KIF13A: variants seen among roughly 807,000 people sequenced by gnomAD.
KIF13A encodes kinesin-like protein KIF13A.
KIF13A carries 79 observed loss-of-function variants against 212.2 expected under a neutral mutation model. The observed-to-expected ratio is 0.37, with a 90% CI of 0.31 to 0.45. The LOEUF is 0.45. KIF13A is among the 20% of genes least tolerant of loss of function. KIF13A has a pLI of 1.00. For missense variants in KIF13A, 1,901 were observed against 2,209.0 expected (o/e 0.86, Z 2.79); for synonymous variants, 789 against 808.6 (o/e 0.98, Z 0.41).
Position 17,763,859 on chromosome 6 carries a change from T to C in KIF13A, c.*251A>G. 1 of 1,329,076 alleles carries C rather than the reference T, an allele frequency of 7.5e-7. No homozygotes were observed. Among genetic ancestry groups the C allele is most frequent in the Non-Finnish European group, 9.6e-7 (1 of 1,040,358 alleles). The allele number at this position is 1,329,076 out of a possible 1,614,324, so 82.3% of individuals were successfully genotyped here. ...ACATCCCAGGGAATGAATATGAGAT[T>C]GATCCTTATCCATCTGAACACTTCA... On this transcript the variant is annotated 3_prime_UTR_variant, in exon 39 of 39. Coordinates refer to ENST00000259711, the MANE Select transcript of KIF13A (RefSeq NM_022113.6).
chr6:17,956,003 A>T (rs1355831790), intron 2 of KIF13A, among the ~76,000 whole-genome samples: 2 of 152,218 alleles, frequency 1.3e-5, no homozygotes, highest in Non-Finnish European at 2.9e-5. Context: ...CACAATTTTT[A>T]AAAAGTCTAT....
chr6:17,828,300 T>A lies in KIF13A; in HGVS notation c.1472A>T (p.His491Leu). 6.2e-7 allele frequency: 1 copy of A among 1,610,600 alleles called. No homozygotes were observed. Among genetic ancestry groups the A allele is most frequent in the Middle Eastern group, 1.7e-4 (1 of 6,058 alleles). ...QLFGIGIQPQ[H>L]CEIDIASDGD... is the part of the protein sequence containing the mutation. ...ATCAGATGCAATGTCAATCTCACAG[T>A]GCTGAGGCTGAATTCCTATGCCAAA... The change falls in exon 14 of 39, where the codon CAC becomes CTC. Residue 491 changes from histidine to leucine, a missense_variant. Around this residue, in one of 5 missense-constraint regions of KIF13A, gnomAD observed 506 missense variants for 637.4 expected, o/e 0.79. Coordinates refer to ENST00000259711, the MANE Select transcript of KIF13A (RefSeq NM_022113.6). This position sits in a 1 kb window ranked among gnomAD's most constrained non-coding sequence, Gnocchi z 4.3.
intron 4 of KIF13A, among the ~76,000 whole-genome samples, chr6:17,870,503 G>A (rs1769901822): frequency 6.6e-6 from 1 of 151,936 alleles, no homozygotes; most frequent in Non-Finnish European, 1.5e-5. Context: ...ATATATTGCA[G>A]AAGGCTAGAG....
At position 17,900,617 on chromosome 6, in the gene KIF13A, C is replaced by T. The variant is rs919704570; in HGVS notation, c.147-2437G>A. On this transcript the variant is annotated intron_variant, in intron 2 of 38. Coordinates refer to ENST00000259711, the MANE Select transcript of KIF13A (RefSeq NM_022113.6). This position sits in a 1 kb window ranked among gnomAD's most constrained non-coding sequence, Gnocchi z 4.6. ...CATTTTAGAACAAGGACCCTTGCTACAGAAGGAAAAGTAAACCCTGTAGTG... is the reference window on the plus strand; with the variant it reads ...CATTTTAGAACAAGGACCCTTGCTATAGAAGGAAAAGTAAACCCTGTAGTG... Among the ~76,000 whole-genome samples, 1 of 152,212 alleles carries T rather than the reference C, an allele frequency of 6.6e-6. No homozygotes were observed. The highest frequency in any genetic ancestry group is 2.4e-5 in the African/African-American group (1 of 41,442).
chr6:17,916,142 C>T (rs942123553), intron 2 of KIF13A, among the ~76,000 whole-genome samples: 3 of 151,994 alleles, frequency 2.0e-5, no homozygotes, highest in African/African-American at 7.3e-5. Context: ...TAGTGGCAAG[C>T]GTTCATGGCA....
chr6:17,973,082 C>T (rs1301935046), intron 2 of KIF13A, among the ~76,000 whole-genome samples: 2 of 152,186 alleles, frequency 1.3e-5, no homozygotes, highest in East Asian at 1.9e-4. Flanking sequence ...TGGAGATGAA[C>T]TGGAGTTTGG....
At chr6:17,806,993 A>C (rs1763021242) in intron 18 of KIF13A, among the ~76,000 whole-genome samples, 1 of 152,202 alleles carries the variant, frequency 6.6e-6, no homozygotes, top group Non-Finnish European at 1.5e-5. Flanking sequence ...TTCCCAAATA[A>C]TACTTTTATA....
At position 17,794,548 on chromosome 6, in the gene KIF13A, A is replaced by G; in HGVS notation, c.3075+24T>C. On this transcript the variant is annotated intron_variant, in intron 24 of 38. Transcript: ENST00000259711. The surrounding 1 kb of genome is among the most constrained non-coding windows in gnomAD (Gnocchi z 4.1). ...GTGGAACAGAGAGAAAACATTAAAA[A>G]AAAACCCAAAACAAACTCAGTACCT... 6.3e-7 allele frequency: 1 copy of G among 1,584,792 alleles called. No individual in the cohort carries two copies. The highest frequency in any genetic ancestry group is 8.5e-7 in the Non-Finnish European group (1 of 1,171,082).
chr6:17,804,467 G>A lies in KIF13A; in HGVS notation c.2348C>T (p.Ala783Val). Residue 783 changes from alanine (A) to valine (V), a missense_variant, in exon 20 of 39, where the codon GCC becomes GTC. This residue lies in a region of KIF13A where 534 missense variants were observed against 536.9 expected (regional missense o/e 0.99). Coordinates refer to ENST00000259711, the MANE Select transcript of KIF13A (RefSeq NM_022113.6). ...YGKRGDPFYE[A>V]QENHNLIGVA... ...CCCGATGAGGTTGTGATTTTCTTGG[G>A]CTTCATAGAAAGGGTCACCTCGTTT... 2 of 1,594,420 alleles carry A rather than the reference G, an allele frequency of 1.3e-6. No homozygotes were observed. Among genetic ancestry groups the A allele is most frequent in the Non-Finnish European group, 1.7e-6 (2 of 1,169,816 alleles).
In KIF13A at chr6:17,881,735, G is replaced by A; in HGVS notation, c.160-8298C>T. The A allele has an allele frequency of 8.9e-6, 3 of 338,264 alleles. 1 individual carries two copies. The highest frequency in any genetic ancestry group is 7.7e-5 in the East Asian group (1 of 13,012). 21.0% of individuals were successfully genotyped at this position (338,264 alleles called of 1,614,324 possible). On this transcript the variant is annotated intron_variant, in intron 3 of 38. Transcript: ENST00000259711. ...GCAATGGCCAGGCACAGGGCTCACG[G>A]CTGTAACCCTAGCACTTTGGGAGGT...
chr6:17,767,550 C>T (rs1275155264), intron 38 of KIF13A, among the ~76,000 whole-genome samples: 1 of 152,158 alleles, frequency 6.6e-6, no homozygotes, highest in African/African-American at 2.4e-5. Context: ...CCACCATGCC[C>T]GGCACAAAAT....
At chr6:17,922,821 A>T (rs1257802010) in intron 2 of KIF13A, among the ~76,000 whole-genome samples, 1 of 151,820 alleles carries the variant, frequency 6.6e-6, no homozygotes, top group African/African-American at 2.4e-5. Context: ...ATGGGGTCTC[A>T]CTACATTGCC....
intron 18 of KIF13A, among the ~76,000 whole-genome samples, chr6:17,806,270 T>G (rs907436455): frequency 2.0e-5 from 3 of 152,160 alleles, no homozygotes; most frequent in Admixed American, 2.0e-4. Flanking sequence ...AGCAGTGTCC[T>G]TAGCATTTGG....
Position 17,866,612 on chromosome 6 carries a change from T to C in KIF13A, c.220+6765A>G, listed in dbSNP as rs568571690. 1.8e-4 allele frequency among the ~76,000 whole-genome samples: 28 copies of C among 152,118 alleles called. No individual in the cohort carries two copies. In the South Asian group the frequency reaches 5.0e-3, roughly 27 times the overall value. On this transcript the variant is annotated intron_variant, in intron 4 of 38. Transcript: ENST00000259711. ...TTTGACAATCTTATCACCTAGTGCA[T>C]GTAGAGGGATCGGCACAGTGCTTGG...
At chr6:17,885,509 T>C (rs1326509543) in intron 3 of KIF13A, among the ~76,000 whole-genome samples, 1 of 152,226 alleles carries the variant, frequency 6.6e-6, no homozygotes, top group African/African-American at 2.4e-5. Context: ...CCAACAGCAT[T>C]TGCTGCACAT....
At chr6:17,962,878 G>T (rs1340989059) in intron 2 of KIF13A, among the ~76,000 whole-genome samples, 1 of 152,114 alleles carries the variant, frequency 6.6e-6, no homozygotes, top group Non-Finnish European at 1.5e-5. Context: ...TAATGACAAT[G>T]CAATGAATAG....
Position 17,850,516 on chromosome 6 carries a change from C to T in KIF13A, c.583-59G>A, listed in dbSNP as rs895854364. 3.3e-6 allele frequency: 5 copies of T among 1,509,438 alleles called. No individual in the cohort carries two copies. In the Admixed American group the frequency reaches 1.0e-4, roughly 31 times the overall value. 93.5% of individuals were successfully genotyped at this position (1,509,438 alleles called of 1,614,324 possible). ...AAAAACACAAGAATGTAGTCCTGCA[C>T]ACCAGGTATATGTATTAATTATGAT... On this transcript the variant is annotated intron_variant, in intron 7 of 38. Coordinates refer to ENST00000259711, the MANE Select transcript of KIF13A (RefSeq NM_022113.6). The surrounding 1 kb of genome is among the most constrained non-coding windows in gnomAD (Gnocchi z 6.2).
At chr6:17,863,120 A>G (rs1321336246) in intron 4 of KIF13A, among the ~76,000 whole-genome samples, 1 of 152,228 alleles carries the variant, frequency 6.6e-6, no homozygotes, top group African/African-American at 2.4e-5. Flanking sequence ...TTAAAAAGAA[A>G]AGATACTTGT....
At chr6:17,858,556 C>G (rs1192538993) in intron 4 of KIF13A, among the ~76,000 whole-genome samples, 4 of 152,184 alleles carry the variant, frequency 2.6e-5, no homozygotes, top group African/African-American at 9.7e-5. Context: ...AAAGGACCTT[C>G]CTTATTCCAC....
Sources: allele counts gnomAD v4.1 joint callset (sites outside exome capture counted in the v4.1 genomes callset), GRCh38; gene constraint gnomAD v4.1.1; regional missense constraint gnomAD v4.1.1; non-coding constraint Gnocchi (gnomAD v3.1); transcripts MANE v1.5; gene names NCBI Gene and HGNC (gene_info 2026-07-23, HGNC 2026-07-21).